Variants in GNA14 observed in about 807,000 individuals in gnomAD.
The protein encoded by GNA14 is G protein subunit alpha 14, also known as guanine nucleotide-binding protein subunit alpha-14.
A neutral mutation model predicts 42.0 loss-of-function variants in GNA14; 50 were observed. The observed-to-expected ratio is 1.19, with a 90% confidence interval of 0.95 to 1.51. The LOEUF is 1.51. Among genes scored for constraint, GNA14 ranks in the 40% most tolerant of loss-of-function variants. The probability of loss-of-function intolerance (pLI) is 0.00; values close to 1 mark genes in which losing one functional copy is unlikely to be tolerated. For synonymous variants in GNA14, 173 were observed against 163.1 expected (o/e 1.06, Z -0.46); for missense variants, 473 against 446.2 (o/e 1.06, Z -0.54).
At chr9:77,565,239 C>T (rs537686655) in intron 1 of GNA14, among the ~76,000 whole-genome samples, 2 of 152,218 alleles carry the variant, frequency 1.3e-5, no homozygotes, top group South Asian at 2.1e-4. Context: ...ACCAGCTAAA[C>T]GTGGTTACTG....
intron 2 of GNA14, among the ~76,000 whole-genome samples, chr9:77,439,711 C>T (rs999144581): frequency 2.6e-5 from 4 of 152,210 alleles, no homozygotes; most frequent in African/African-American, 9.6e-5. Flanking sequence ...GCAAGCAGCT[C>T]ATCCACAGGT....
At chr9:77,597,384 A>C (rs978926105) in intron 1 of GNA14, among the ~76,000 whole-genome samples, 1 of 152,180 alleles carries the variant, frequency 6.6e-6, no homozygotes, top group Admixed American at 6.5e-5. Flanking sequence ...TTTAGCAAAA[A>C]GGGCTGTAAT....
At chr9:77,557,826 A>G (rs1019560053) in intron 1 of GNA14, among the ~76,000 whole-genome samples, 1 of 152,242 alleles carries the variant, frequency 6.6e-6, no homozygotes, top group Non-Finnish European at 1.5e-5. Context: ...GATCATTCGC[A>G]TAATGTTTTT....
At chr9:77,484,894 T>C (rs571550632) in intron 2 of GNA14, among the ~76,000 whole-genome samples, 6 of 152,338 alleles carry the variant, frequency 3.9e-5, no homozygotes, top group African/African-American at 1.4e-4. Context: ...CGTACCTTAC[T>C]TGAAAAATAT....
intron 1 of GNA14, among the ~76,000 whole-genome samples, chr9:77,534,049 A>G (rs1837563750): frequency 6.6e-6 from 1 of 152,196 alleles, no homozygotes; most frequent in Non-Finnish European, 1.5e-5. Flanking sequence ...TAGCTTTATT[A>G]TTTCAATAAA....
intron 1 of GNA14, among the ~76,000 whole-genome samples, chr9:77,545,260 A>G (rs1027772512): frequency 6.6e-6 from 1 of 151,562 alleles, no homozygotes; most frequent in African/African-American, 2.4e-5. Context: ...TGCTAGTTAA[A>G]TAAGAGGAGC....
intron 2 of GNA14, among the ~76,000 whole-genome samples, chr9:77,498,506 A>G (rs1836913658): frequency 6.6e-6 from 1 of 152,112 alleles, no homozygotes; most frequent in Non-Finnish European, 1.5e-5. Flanking sequence ...TCAATATACT[A>G]CATAGTGAAT....
At chr9:77,451,534 C>T (rs1835901664) in intron 2 of GNA14, among the ~76,000 whole-genome samples, 1 of 152,154 alleles carries the variant, frequency 6.6e-6, no homozygotes. Flanking sequence ...TTGAGGATGA[C>T]CAATGTGTAG....
intron 1 of GNA14, among the ~76,000 whole-genome samples, chr9:77,597,592 C>G (rs1032755693): frequency 6.6e-6 from 1 of 151,540 alleles, no homozygotes; most frequent in African/African-American, 2.4e-5. Context: ...CTTCAGTGCT[C>G]GTCTTGGTAT....
chr9:77,548,657 C>G (rs2131780305), intron 1 of GNA14, among the ~76,000 whole-genome samples: 1 of 152,298 alleles, frequency 6.6e-6, no homozygotes, highest in East Asian at 1.9e-4. Context: ...TCTCATTTGT[C>G]TTACCCGCCA....
chr9:77,582,441 A>G (rs1823240340), intron 1 of GNA14, among the ~76,000 whole-genome samples: 1 of 152,202 alleles, frequency 6.6e-6, no homozygotes, highest in Non-Finnish European at 1.5e-5. Flanking sequence ...CCGCCAGGAT[A>G]GAGTCCAATC....
At chr9:77,515,960 CAAAAAA>C (rs1158448237) in intron 2 of GNA14, among the ~76,000 whole-genome samples, 2,147 of 52,768 alleles carry the variant, frequency 0.041, 115 homozygotes, top group African/African-American at 0.13. Context: ...CCCTGTCTCA[CAAAAAA>C]AAAAAAAAAA....
intron 2 of GNA14, among the ~76,000 whole-genome samples, chr9:77,442,295 C>T (rs532375964): frequency 6.6e-6 from 1 of 152,284 alleles, no homozygotes; most frequent in East Asian, 1.9e-4. Context: ...TCACTTGAAC[C>T]TGGGAGGTGG....
Position 77,583,501 on chromosome 9 carries a change from C to T in GNA14, c.125-54248G>A, listed in dbSNP as rs563869913. On this transcript the variant is annotated intron_variant, in intron 1 of 6. Transcript: ENST00000341700. ...GGAATTTTACTCGTTTTATGTTCTCCTTGATTAAGAGGTTGGGACTTTTTA... is the reference window on the plus strand; with the variant it reads ...GGAATTTTACTCGTTTTATGTTCTCTTTGATTAAGAGGTTGGGACTTTTTA... Among the ~76,000 whole-genome samples, 10 of 152,240 alleles carry T rather than the reference C, an allele frequency of 6.6e-5. No individual in the cohort carries two copies. The East Asian group carries it at 1.9e-3, about 29-fold the overall frequency.
intron 2 of GNA14, among the ~76,000 whole-genome samples, chr9:77,478,318 A>G (rs1836471313): frequency 6.6e-6 from 1 of 151,972 alleles, no homozygotes; most frequent in African/African-American, 2.4e-5. Flanking sequence ...GAGAATGATG[A>G]TTTCCAATTT....
At chr9:77,512,847 C>G (rs533283349) in intron 2 of GNA14, among the ~76,000 whole-genome samples, 2 of 152,328 alleles carry the variant, frequency 1.3e-5, no homozygotes, top group Admixed American at 1.3e-4. Flanking sequence ...TTTACTGGCA[C>G]TGGTTCGAAG....
intron 1 of GNA14, among the ~76,000 whole-genome samples, chr9:77,551,961 G>A (rs1837792385): frequency 6.6e-6 from 1 of 151,694 alleles, no homozygotes; most frequent in Non-Finnish European, 1.5e-5. Flanking sequence ...CCAACGTGGT[G>A]AAATCCTGTC....
At chr9:77,526,649 T>TGGGGAAGAAGCC in intron 2 of GNA14, 1 of 152,070 alleles carries the variant, frequency 6.6e-6, no homozygotes, top group Non-Finnish European at 1.5e-5. Flanking sequence ...CACCAGAAGC[T>TGGGGAAGAAGCC]GGGGAAGAAG....
chr9:77,609,097 T>TTC (rs1275605949), intron 1 of GNA14, among the ~76,000 whole-genome samples: 1 of 152,170 alleles, frequency 6.6e-6, no homozygotes, highest in Admixed American at 6.5e-5. Context: ...TTAAATTCAT[T>TTC]TCTCTTTTCT....
Sources: allele counts gnomAD v4.1 joint callset (sites outside exome capture counted in the v4.1 genomes callset), GRCh38; gene constraint gnomAD v4.1.1; transcripts MANE v1.5; gene names NCBI Gene and HGNC (gene_info 2026-07-23, HGNC 2026-07-21).